The following TRPM5 variants were observed in gnomAD, a reference collection of about 807,000 sequenced individuals.
The protein encoded by TRPM5 is MLSN1 and TRP-related.
In TRPM5, 121 loss-of-function variants were observed where a neutral mutation model predicts 124.9. That is an observed-to-expected ratio of 0.97 (90% CI 0.84 to 1.13). The LOEUF (loss-of-function observed/expected upper bound fraction) is 1.13. Ranked by LOEUF, TRPM5 falls within the 50% of genes most tolerant of loss-of-function variation. The pLI, the probability that TRPM5 is intolerant of heterozygous loss-of-function variation, is 0.00. For missense variants in TRPM5, 1,643 were observed against 1,589.1 expected, an observed-to-expected ratio of 1.03 and a Z score of -0.58; for synonymous variants, 781 against 700.5, an observed-to-expected ratio of 1.11 and a Z score of -1.81.
chr11:2,409,829 CCCGCAGCA>C (rs1850407850), intron 18 of TRPM5, among the ~76,000 whole-genome samples: 2 of 152,174 alleles, frequency 1.3e-5, no homozygotes, highest in Admixed American at 1.3e-4. Flanking sequence ...CTCTGAGATC[CCCGCAGCA>C]CCGCAGACCT....
At chr11:2,430,895 G>A in the TRPM5 span, among the ~76,000 whole-genome samples, 1 of 148,714 alleles carries the variant, frequency 6.7e-6, no homozygotes, top group Non-Finnish European at 1.5e-5. Context: ...TGATGGTGAC[G>A]GTATTGGTGG....
At chr11:2,409,357 G>A (rs1850395320) in intron 18 of TRPM5, among the ~76,000 whole-genome samples, 1 of 152,058 alleles carries the variant, frequency 6.6e-6, no homozygotes. Flanking sequence ...CCGTAAATCT[G>A]TCTGATAAAG....
At chr11:2,414,306 C>T (rs919233405) in intron 11 of TRPM5, 100 bp from the exon 17 acceptor site, 12 of 1,472,308 alleles carry the variant, frequency 8.2e-6, no homozygotes, top group African/African-American at 5.6e-5. Flanking sequence ...GCTCTGCAGC[C>T]GCACCCTGCG....
At chr11:2,414,675 C>A (rs1485021456) in intron 11 of TRPM5, 40 bp downstream of exon 16, 2 of 1,467,076 alleles carry the variant, frequency 1.4e-6, no homozygotes, top group Non-Finnish European at 1.8e-6. Flanking sequence ...GTCACATCCT[C>A]CCCCGCGCGC....
chr11:2,408,195 C>T, intron 18 of TRPM5, among the ~76,000 whole-genome samples: 1 of 152,192 alleles, frequency 6.6e-6, no homozygotes, highest in Non-Finnish European at 1.5e-5. Flanking sequence ...AGATCACAGG[C>T]CCTGGAAGTA....
At chr11:2,428,986 G>C in the TRPM5 span, among the ~76,000 whole-genome samples, 9 of 151,624 alleles carry the variant, frequency 5.9e-5, no homozygotes, top group South Asian at 2.1e-4. This position sits in a 1 kb window ranked among gnomAD's most constrained non-coding sequence, Gnocchi z 4.0. Flanking sequence ...AGTGACAATG[G>C]TGACAGTGGA....
At chr11:2,412,999 C>G (rs1589869600) in exon 15 of TRPM5, 1 of 1,604,750 alleles carries the variant, frequency 6.2e-7, no homozygotes, top group Non-Finnish European at 8.5e-7. Context: ...GGCGCCTCCA[C>G]CAGCTCCTCC....
chr11:2,434,676 A>ATGTGTAGCTGCACTGTG, the TRPM5 span, among the ~76,000 whole-genome samples: 1 of 142,170 alleles, frequency 7.0e-6, no homozygotes, highest in African/African-American at 2.6e-5. Context: ...GAGTGCATGT[A>ATGTGTAGCTGCACTGTG]TGTGTAGCTG....
chr11:2,425,150 G>T (rs1027556187), upstream of TRPM5, among the ~76,000 whole-genome samples: 2 of 152,104 alleles, frequency 1.3e-5, no homozygotes, highest in Non-Finnish European at 2.9e-5. Context: ...CTGGGACAAG[G>T]CTTGGCATTG....
Position 2,414,792 on chromosome 11 carries a change from T to C in TRPM5, c.1667A>G (p.Lys556Arg), listed in dbSNP as rs1565010780. The C allele has an allele frequency of 3.2e-6, 5 of 1,577,332 alleles. No individual in the cohort carries two copies. The African/African-American group carries it at 5.4e-5, about 17-fold the overall frequency. The stretch of plus-strand genomic sequence containing the variant: ...CTCCGTCTCCAGGTGCGACATCTCT[T>C]TGAGGATTTTGCAGGCGGCCAGTGC... The change falls in exon 11 of 24, where the codon AAA becomes AGA. Residue 556 changes from lysine (K) to arginine (R), a missense_variant. Coordinates refer to ENST00000155858, the Ensembl canonical transcript of TRPM5.
the TRPM5 span, among the ~76,000 whole-genome samples, chr11:2,432,388 C>A: frequency 6.6e-6 from 1 of 152,232 alleles, no homozygotes; most frequent in African/African-American, 2.4e-5. Context: ...CCCCTGCCCC[C>A]ACGGGGCCTC....
At chr11:2,411,319 C>T in intron 18 of TRPM5, 33 bp downstream of exon 23, 1 of 1,521,192 alleles carries the variant, frequency 6.6e-7, no homozygotes. Context: ...TCCAATTTCT[C>T]CCTGCCCCTG....
chr11:2,432,768 C>T, the TRPM5 span, among the ~76,000 whole-genome samples: 10 of 152,234 alleles, frequency 6.6e-5, no homozygotes, highest in South Asian at 4.1e-4. Context: ...GTGTGGTGGG[C>T]GCCCCCAACC....
At chr11:2,414,622 A>T (rs933763678) in intron 11 of TRPM5, 93 bp downstream of exon 16, 5 of 1,423,060 alleles carry the variant, frequency 3.5e-6, no homozygotes, top group Non-Finnish European at 4.6e-6. Flanking sequence ...CGGCGGTAAC[A>T]GGCAGCCCTG....
At chr11:2,414,355 C>T (rs1052816274) in intron 11 of TRPM5, 149 bp from the exon 17 acceptor site, 64 of 1,175,064 alleles carry the variant, frequency 5.4e-5, no homozygotes, top group Non-Finnish European at 6.5e-5. Flanking sequence ...CTGCCCCCTC[C>T]GGCCTGCTCC....
At chr11:2,422,984 C>T (rs756783346) in exon 1 of TRPM5, 32 of 1,612,946 alleles carry the variant, frequency 2.0e-5, no homozygotes, top group South Asian at 5.5e-5. Context: ...CAGCTCCCGC[C>T]GGTCTTCAGC....
chr11:2,422,371 G>C (rs1188152768), intron 1 of TRPM5, 50 bp from the exon 7 acceptor site: 1 of 1,521,340 alleles, frequency 6.6e-7, no homozygotes, highest in Non-Finnish European at 8.9e-7. Context: ...GGGCATGGGA[G>C]CTGCTGGGCA....
the TRPM5 span, among the ~76,000 whole-genome samples, chr11:2,431,015 C>T: frequency 1.3e-5 from 2 of 152,028 alleles, no homozygotes; most frequent in African/African-American, 4.8e-5. Flanking sequence ...TGGTAGCAGG[C>T]CATGTTATAA....
At chr11:2,437,954 A>C in the TRPM5 span, among the ~76,000 whole-genome samples, 2 of 152,196 alleles carry the variant, frequency 1.3e-5, no homozygotes, top group Non-Finnish European at 2.9e-5. The surrounding 1 kb of genome is among the most constrained non-coding windows in gnomAD (Gnocchi z 5.6). Context: ...AATACTAGCA[A>C]ACCAAATCCA....
Sources: gnomAD v4.1 joint callset for allele counts (sites outside exome capture counted in the v4.1 genomes callset) on GRCh38, gnomAD v4.1.1 for gene constraint, Gnocchi (gnomAD v3.1) non-coding constraint, MANE v1.5 for transcripts, NCBI Gene and HGNC (gene_info 2026-07-23, HGNC 2026-07-21) for gene names.